Variants in IGSF11 observed in about 807,000 individuals in gnomAD.
IGSF11 encodes the protein immunoglobulin superfamily member 11, also known as CXADR like 1.
IGSF11 carries 22 observed loss-of-function variants against 41.0 expected under a neutral mutation model. The observed-to-expected ratio is 0.54, with a 90% confidence interval of 0.38 to 0.77. The LOEUF (loss-of-function observed/expected upper bound fraction) is 0.77. IGSF11 is among the 30% of genes least tolerant of loss of function. The probability of loss-of-function intolerance (pLI) is 0.00; values close to 1 mark genes in which losing one functional copy is unlikely to be tolerated. For synonymous variants in IGSF11, 219 were observed against 201.3 expected (o/e 1.09, Z -0.74); for missense variants, 444 against 530.8 (o/e 0.84, Z 1.61).
intron 1 of IGSF11, among the ~76,000 whole-genome samples, chr3:118,954,958 G>C (rs1944841330): frequency 6.6e-6 from 1 of 152,154 alleles, no homozygotes; most frequent in Admixed American, 6.5e-5. Context: ...TGCTGGGAAT[G>C]TAAACTAGTA....
intron 1 of IGSF11, among the ~76,000 whole-genome samples, chr3:119,134,238 T>C (rs2077524980): frequency 6.6e-6 from 1 of 151,258 alleles, no homozygotes; most frequent in Non-Finnish European, 1.5e-5. Context: ...GAGAAAGAAA[T>C]AAAGGGTATT....
At chr3:118,909,075 G>A (rs976015227) in intron 4 of IGSF11, among the ~76,000 whole-genome samples, 1 of 152,148 alleles carries the variant, frequency 6.6e-6, no homozygotes, top group Non-Finnish European at 1.5e-5. Context: ...TAGGGGAACT[G>A]ATATATTTTT....
intron 1 of IGSF11, among the ~76,000 whole-genome samples, chr3:119,114,299 C>T (rs983597332): frequency 6.6e-6 from 1 of 152,234 alleles, no homozygotes; most frequent in Admixed American, 6.5e-5. Flanking sequence ...ATTTTCCAAA[C>T]TTTTATACTC....
chr3:118,958,691 G>A (rs1945126141), intron 1 of IGSF11, among the ~76,000 whole-genome samples: 1 of 152,204 alleles, frequency 6.6e-6, no homozygotes, highest in African/African-American at 2.4e-5. Context: ...TACTTGCAGT[G>A]AGTAAAAAGC....
At chr3:119,070,142 C>T (rs571006861) in intron 1 of IGSF11, among the ~76,000 whole-genome samples, 79 of 152,264 alleles carry the variant, frequency 5.2e-4, no homozygotes, top group African/African-American at 1.9e-3. Context: ...GCTTTACTCC[C>T]TTTATCACAG....
intron 1 of IGSF11, among the ~76,000 whole-genome samples, chr3:118,972,487 C>T (rs1933557020): frequency 6.6e-6 from 1 of 152,132 alleles, no homozygotes; most frequent in African/African-American, 2.4e-5. Context: ...CAAAGATCTC[C>T]TATTTTTTCA....
At chr3:118,907,676 G>A (rs142760542) in intron 4 of IGSF11, among the ~76,000 whole-genome samples, 1,903 of 152,204 alleles carry the variant, frequency 0.013, 19 homozygotes, top group Non-Finnish European at 0.021. Flanking sequence ...TTTAATGTTC[G>A]TAACAAGCTT....
chr3:119,083,872 T>A (rs1435657), intron 1 of IGSF11, among the ~76,000 whole-genome samples: 92,169 of 151,806 alleles, frequency 0.61, 29,825 homozygotes, highest in African/African-American at 0.85. Flanking sequence ...TTATTTTTTT[T>A]AAAAATTTAA....
At chr3:118,942,829 T>A (rs565981332) in intron 1 of IGSF11, among the ~76,000 whole-genome samples, 1 of 152,258 alleles carries the variant, frequency 6.6e-6, no homozygotes, top group East Asian at 1.9e-4. Flanking sequence ...TTCCTGTCTC[T>A]TGTGAAGCCT....
At chr3:119,067,321 T>C (rs982375334) in intron 1 of IGSF11, among the ~76,000 whole-genome samples, 3 of 151,104 alleles carry the variant, frequency 2.0e-5, no homozygotes, top group Admixed American at 6.6e-5. Flanking sequence ...CAGGCTCTCA[T>C]GAGCTTTCTT....
chr3:119,019,339 GATCTT>G (rs1225316652), intron 1 of IGSF11, among the ~76,000 whole-genome samples: 51 of 149,246 alleles, frequency 3.4e-4, no homozygotes, highest in African/African-American at 1.3e-3. Context: ...CTCTCAAACT[GATCTT>G]ATCTTACCAC....
Position 119,115,379 on chromosome 3 carries a change from G to T in IGSF11, c.-13-10174C>A, listed in dbSNP as rs146947317. Among the ~76,000 whole-genome samples, 275 of 152,242 alleles carry T rather than the reference G, an allele frequency of 1.8e-3. 1 individual carries two copies. The highest frequency in any genetic ancestry group is 3.5e-3 in the Non-Finnish European group (236 of 68,020). On this transcript the variant is annotated intron_variant, in intron 1 of 7. Coordinates refer to the IGSF11 transcript ENST00000425327. ...ACAGTCCCACCAACAGGGTACAAGGGTTCCCTTTTCCTCACATCCTTGGCA... is the reference window on the plus strand; with the variant it reads ...ACAGTCCCACCAACAGGGTACAAGGTTTCCCTTTTCCTCACATCCTTGGCA...
chr3:119,085,235 G>A (rs976638317), intron 1 of IGSF11, among the ~76,000 whole-genome samples: 5 of 152,058 alleles, frequency 3.3e-5, no homozygotes, highest in South Asian at 2.1e-4. Context: ...ACAACCTGTC[G>A]CCCATTGTCT....
chr3:119,057,707 A>G (rs1576744141), intron 1 of IGSF11, among the ~76,000 whole-genome samples: 1 of 152,356 alleles, frequency 6.6e-6, no homozygotes, highest in South Asian at 2.1e-4. Context: ...GCATCACGCT[A>G]CCTGACTTCA....
intron 1 of IGSF11, among the ~76,000 whole-genome samples, chr3:119,089,416 A>G (rs529963278): frequency 1.3e-5 from 2 of 152,292 alleles, no homozygotes; most frequent in South Asian, 4.1e-4. Context: ...TGAGGCACCA[A>G]AGAAACATAC....
chr3:119,010,093 G>A (rs1329644458), intron 1 of IGSF11, among the ~76,000 whole-genome samples: 1 of 152,232 alleles, frequency 6.6e-6, no homozygotes, highest in Admixed American at 6.5e-5. Flanking sequence ...ATGCAGAGAA[G>A]AGTCATCCTA....
chr3:118,959,983 T>C (rs1945229955), intron 1 of IGSF11, among the ~76,000 whole-genome samples: 1 of 150,628 alleles, frequency 6.6e-6, no homozygotes, highest in South Asian at 2.1e-4. Context: ...AGGCGGAGCT[T>C]GCAGTGAGCG....
At chr3:118,973,870 G>A (rs1478526501) in intron 1 of IGSF11, among the ~76,000 whole-genome samples, 7 of 152,154 alleles carry the variant, frequency 4.6e-5, no homozygotes, top group African/African-American at 1.2e-4. Context: ...CAAACACCGC[G>A]TGTTCTCACT....
chr3:119,063,697 A>C (rs778682363), intron 1 of IGSF11, among the ~76,000 whole-genome samples: 2 of 152,242 alleles, frequency 1.3e-5, no homozygotes, highest in Non-Finnish European at 2.9e-5. Context: ...AAATATCTAG[A>C]GACAAGTCAG....
Sources: gnomAD v4.1 joint callset for allele counts (sites outside exome capture counted in the v4.1 genomes callset) on GRCh38, gnomAD v4.1.1 for gene constraint, MANE v1.5 for transcripts, NCBI Gene and HGNC (gene_info 2026-07-23, HGNC 2026-07-21) for gene names.